The following SRP54 variants were observed in gnomAD, a reference collection of about 807,000 sequenced individuals.
The protein encoded by SRP54 is signal recognition particle subunit SRP54.
Under a neutral mutation model 64.8 loss-of-function variants are expected in SRP54, and 10 were observed. The observed-to-expected ratio is 0.15, with a 90% confidence interval of 0.10 to 0.26. The LOEUF is 0.26. Ranked by LOEUF, SRP54 falls within the 10% of genes least tolerant of loss-of-function variation. The probability of loss-of-function intolerance (pLI) is 1.00; values close to 1 mark genes in which losing one functional copy is unlikely to be tolerated. For synonymous variants in SRP54, 193 were observed against 185.6 expected (o/e 1.04, Z -0.32); for missense variants, 325 against 613.7 (o/e 0.53, Z 4.97).
intron 13 of SRP54, among the ~76,000 whole-genome samples, chr14:35,021,046 A>T (rs888151789): frequency 6.6e-6 from 1 of 152,212 alleles, no homozygotes; most frequent in South Asian, 2.1e-4. Context: ...TGTTTCATAA[A>T]TCTTTTATAA....
chr14:34,998,331 C>T (rs1259713828), intron 2 of SRP54, among the ~76,000 whole-genome samples: 1 of 152,070 alleles, frequency 6.6e-6, no homozygotes, highest in Non-Finnish European at 1.5e-5. Context: ...CTCATCTTTT[C>T]TTAAGACTTT....
At chr14:34,999,472 G>A (rs2044137270) in intron 2 of SRP54, 86 bp from the exon 3 acceptor site, 4 of 910,032 alleles carry the variant, frequency 4.4e-6, no homozygotes, top group South Asian at 4.3e-5. Flanking sequence ...ACTAAGCTGT[G>A]GTTATGTAAG....
intron 1 of SRP54, 89 bp from the exon 2 acceptor site, chr14:34,996,588 A>T: frequency 1.4e-6 from 1 of 720,940 alleles, no homozygotes; most frequent in South Asian, 1.6e-5. Flanking sequence ...TCTAAACACT[A>T]GAGTAATTTG....
rs750331626 is a variant in SRP54, at chr14:35,013,487, C to G, written c.778C>G (p.Leu260Val). 6.2e-7 allele frequency: 1 copy of G among 1,613,992 alleles called. No homozygotes were observed. Among genetic ancestry groups the G allele is most frequent in the South Asian group, 1.1e-5 (1 of 91,082 alleles). Residue 260 changes from leucine (L) to valine (V), a missense_variant, in exon 9 of 16, where the codon CTC (leucine) becomes GTC (valine). Physicochemically the swap from Leu to Val is conservative, Grantham distance 32. Coordinates refer to ENST00000216774, the MANE Select transcript of SRP54 (RefSeq NM_003136.4). ...LDGHAKGGGALSAVAATKSPI... is the reference protein window; with the variant it reads ...LDGHAKGGGAVSAVAATKSPI... ...TGGCCATGCAAAAGGAGGTGGTGCA[C>G]TCAGTGCGTAAGTATCATTGATACT...
At position 35,013,508 on chromosome 14, in the gene SRP54, A is replaced by G. The variant is rs372845542; in HGVS notation, c.785+14A>G. ...TGCACTCAGTGCGTAAGTATCATTG[A>G]TACTGTTGTCCTCTGTCTTGGGATT... On this transcript the variant is annotated intron_variant, in intron 9 of 15. Transcript: ENST00000216774. 2.0e-5 allele frequency: 33 copies of G among 1,612,452 alleles called. No individual in the cohort carries two copies. Among genetic ancestry groups the G allele is most frequent in the African/African-American group, 2.7e-5 (2 of 74,844 alleles).
intron 4 of SRP54, among the ~76,000 whole-genome samples, chr14:35,004,118 C>T (rs1030258621): frequency 1.3e-5 from 2 of 151,914 alleles, no homozygotes; most frequent in African/African-American, 4.8e-5. Flanking sequence ...TGTCTAGTGG[C>T]ACATGCCTGT....
intron 11 of SRP54, among the ~76,000 whole-genome samples, chr14:35,018,363 C>T (rs575886001): frequency 6.6e-6 from 1 of 152,250 alleles, no homozygotes; most frequent in Non-Finnish European, 1.5e-5. Flanking sequence ...TCCACATCCA[C>T]TTTAACTTTT....
rs773101535 is a variant in SRP54 at position 35,018,947 on chromosome 14, A to C, written c.1048-19A>C. 5 of 1,602,904 alleles carry C rather than the reference A, an allele frequency of 3.1e-6. No homozygotes were observed. The highest frequency in any genetic ancestry group is 2.2e-5 in the South Asian group (2 of 90,774). Reference sequence around the variant, plus strand: ...TTAATCTTAAGCTACTATTGACTTTATGTTTAAATCTGTTGTAGGGGATGA... The same window carrying C: ...TTAATCTTAAGCTACTATTGACTTTCTGTTTAAATCTGTTGTAGGGGATGA... On this transcript the variant is annotated intron_variant, in intron 12 of 15. Transcript: ENST00000216774.
intron 4 of SRP54, among the ~76,000 whole-genome samples, chr14:35,003,823 A>G (rs2044216010): frequency 6.6e-6 from 1 of 151,104 alleles, no homozygotes; most frequent in East Asian, 2.0e-4. Flanking sequence ...AAACCGAGTT[A>G]CTCGGGAGGG....
intron 1 of SRP54, among the ~76,000 whole-genome samples, chr14:34,989,886 A>G (rs1041986981): frequency 9.8e-5 from 15 of 152,316 alleles, no homozygotes; most frequent in Middle Eastern, 3.4e-3. Flanking sequence ...CAGGGTAACT[A>G]CCTTGGTAAT....
At chr14:35,002,769 A>G (rs1195627793) in intron 4 of SRP54, among the ~76,000 whole-genome samples, 1 of 118,136 alleles carries the variant, frequency 8.5e-6, no homozygotes, top group Non-Finnish European at 1.7e-5. Flanking sequence ...TTTAAGAGAC[A>G]GTCTGACTCT....
intron 13 of SRP54, among the ~76,000 whole-genome samples, chr14:35,019,697 C>G (rs1266247169): frequency 6.6e-6 from 1 of 152,144 alleles, no homozygotes; most frequent in East Asian, 1.9e-4. Flanking sequence ...AGGCATGCCT[C>G]AGAGATACTG....
At chr14:35,020,808 C>G (rs2044517409) in intron 13 of SRP54, among the ~76,000 whole-genome samples, 1 of 152,184 alleles carries the variant, frequency 6.6e-6, no homozygotes, top group Admixed American at 6.5e-5. Context: ...ATCATAACAA[C>G]TCCTATGGCA....
Position 35,013,920 on chromosome 14 carries a change from G to A in SRP54, c.886+18G>A, listed in dbSNP as rs1235095074. The A allele has an allele frequency of 6.5e-7, 1 of 1,534,778 alleles. No individual in the cohort carries two copies. The highest frequency in any genetic ancestry group is 1.8e-5 in the Admixed American group (1 of 54,264). Reference sequence around the variant, plus strand: ...ACTTCTTGGTATGTACAGTGGTGGGGATATAGAAAAATCTCCAAGAAATAC... The same window carrying A: ...ACTTCTTGGTATGTACAGTGGTGGGAATATAGAAAAATCTCCAAGAAATAC... On this transcript the variant is annotated intron_variant, in intron 10 of 15. Transcript: ENST00000216774.
In SRP54 at chr14:34,999,537, CATTT is replaced by C. The variant is rs2044138437; in HGVS notation, c.79-16_79-13del. On this transcript the variant is annotated splice_polypyrimidine_tract_variant and intron_variant, in intron 2 of 15. Transcript: ENST00000216774. ...ATGAAACATTGGGTGCTTTAAATTT[CATTT>C]ATTTCTTTATTTTCAGGTATTGAAT... The C allele has an allele frequency of 6.3e-7, 1 of 1,577,436 alleles. No homozygotes were observed. Among genetic ancestry groups the C allele is most frequent in the South Asian group, 1.1e-5 (1 of 89,410 alleles).
At chr14:34,984,074 G>A (rs1016260829) in intron 1 of SRP54, among the ~76,000 whole-genome samples, 3 of 152,162 alleles carry the variant, frequency 2.0e-5, no homozygotes, top group African/African-American at 7.2e-5. Context: ...CAATCGTGGT[G>A]CCAAAGGGGA....
At position 35,016,932 on chromosome 14, in the gene SRP54, G is replaced by C. The variant is rs1413186063; in HGVS notation, c.974-1760G>C. Among the ~76,000 whole-genome samples, 3 of 143,404 alleles carry C rather than the reference G, an allele frequency of 2.1e-5. No homozygotes were observed. In the Admixed American group the frequency reaches 2.3e-4, roughly 11 times the overall value. The allele number at this position is 143,404 out of a possible 152,430, so 94.1% of individuals were successfully genotyped here. On this transcript the variant is annotated intron_variant, in intron 11 of 15. Transcript: ENST00000216774. ...TGCATTGGCACAATCTCAGCTCAGT[G>C]CAACCTCCGCCTCCCAGTTTGAAGC...
intron 1 of SRP54, 98 bp from the exon 2 acceptor site, chr14:34,996,579 C>G: frequency 2.9e-6 from 2 of 685,820 alleles, no homozygotes; most frequent in Non-Finnish European, 5.3e-6. Context: ...CTTACAGTAT[C>G]TAAACACTAG....
Position 35,029,397 on chromosome 14 carries a change from G to GT in SRP54, c.*249dup. ...ATATGTTTGCTTTAGATTTTCTTCT[G>GT]TTTTCACCATCATAACACTTAAGTT... On this transcript the variant is annotated 3_prime_UTR_variant, in exon 16 of 16. Coordinates refer to ENST00000216774, the MANE Select transcript of SRP54 (RefSeq NM_003136.4). 1 of 346,146 alleles carries GT rather than the reference G, an allele frequency of 2.9e-6. No individual in the cohort carries two copies. The highest frequency in any genetic ancestry group is 5.2e-6 in the Non-Finnish European group (1 of 190,950). 21.4% of individuals were successfully genotyped at this position (346,146 alleles called of 1,614,324 possible).
Sources: gnomAD v4.1 joint callset for allele counts (sites outside exome capture counted in the v4.1 genomes callset) on GRCh38, gnomAD v4.1.1 for gene constraint, MANE v1.5 for transcripts, NCBI Gene and HGNC (gene_info 2026-07-23, HGNC 2026-07-21) for gene names.